Variants in FRMD5 observed in about 807,000 individuals in gnomAD.
FRMD5 encodes the protein FERM domain-containing protein 5.
In FRMD5, 20 loss-of-function variants were observed where a neutral mutation model predicts 69.0. That is an observed-to-expected ratio of 0.29 (90% CI 0.20 to 0.42). The LOEUF is 0.42. FRMD5 is among the 10% of genes least tolerant of loss of function. FRMD5 has a pLI of 1.00. For synonymous variants in FRMD5, 271 were observed against 260.1 expected, an observed-to-expected ratio of 1.04 and a Z score of -0.40; for missense variants, 595 against 708.6, an observed-to-expected ratio of 0.84 and a Z score of 1.82.
chr15:44,025,206 T>C (rs1043878167), intron 1 of FRMD5, among the ~76,000 whole-genome samples: 24 of 152,014 alleles, frequency 1.6e-4, no homozygotes, highest in African/African-American at 5.8e-4. Context: ...TACAAATAAC[T>C]ATAATATAGA....
intron 1 of FRMD5, among the ~76,000 whole-genome samples, chr15:44,079,201 A>C (rs1438474899): frequency 6.6e-6 from 1 of 152,166 alleles, no homozygotes; most frequent in Non-Finnish European, 1.5e-5. Flanking sequence ...AATGCAAATC[A>C]AAATTACAGT....
At chr15:43,968,100 T>C (rs1265352742) in intron 1 of FRMD5, among the ~76,000 whole-genome samples, 2 of 152,002 alleles carry the variant, frequency 1.3e-5, no homozygotes, top group South Asian at 2.1e-4. Flanking sequence ...AGTTTTTTCA[T>C]GGAATATTTT....
intron 7 of FRMD5, among the ~76,000 whole-genome samples, chr15:43,897,920 A>G (rs575527827): frequency 6.6e-6 from 1 of 151,472 alleles, no homozygotes; most frequent in East Asian, 1.9e-4. Context: ...CTCCCCCCTC[A>G]TTCTCTCTTT....
At chr15:43,960,150 A>C (rs2090174368) in intron 1 of FRMD5, among the ~76,000 whole-genome samples, 1 of 151,868 alleles carries the variant, frequency 6.6e-6, no homozygotes, top group African/African-American at 2.4e-5. Context: ...GTGCAGTGGC[A>C]CAATCTCGGC....
chr15:43,879,030 C>T (rs760618610), intron 13 of FRMD5, among the ~76,000 whole-genome samples: 2 of 151,016 alleles, frequency 1.3e-5, no homozygotes, highest in Admixed American at 1.3e-4. Flanking sequence ...CTCCGACCCC[C>T]GGGTTCAAGT....
At chr15:44,017,382 G>A (rs1370787469) in intron 1 of FRMD5, among the ~76,000 whole-genome samples, 11 of 151,420 alleles carry the variant, frequency 7.3e-5, no homozygotes, top group Admixed American at 6.6e-4. Flanking sequence ...CCCGACCTCT[G>A]ATAGAATTTT....
In FRMD5 at chr15:43,924,147, A is replaced by G. The variant is rs930155839; in HGVS notation, c.207+58T>C. 2.9e-5 allele frequency: 37 copies of G among 1,283,106 alleles called. No homozygotes were observed. In the Middle Eastern group the frequency reaches 7.4e-4, roughly 26 times the overall value. 79.5% of individuals were successfully genotyped at this position (1,283,106 alleles called of 1,614,324 possible). ...GACTTTGAATATGAATGACAGTTCA[A>G]GACCTCAGTCTTATTGACTAGCCCT... is the stretch of plus-strand genomic sequence containing the variant. On this transcript the variant is annotated intron_variant, in intron 2 of 13. Coordinates refer to ENST00000417257, the MANE Select transcript of FRMD5 (RefSeq NM_032892.5).
chr15:44,126,728 G>C (rs1311412073), intron 1 of FRMD5, among the ~76,000 whole-genome samples: 1 of 152,086 alleles, frequency 6.6e-6, no homozygotes, highest in Non-Finnish European at 1.5e-5. Flanking sequence ...CCAGCCCATT[G>C]TTCCACCCTT....
Position 43,933,824 on chromosome 15 carries a change from C to G in FRMD5, c.103-9515G>C, listed in dbSNP as rs183589568. Among the ~76,000 whole-genome samples, 300 of 152,302 alleles carry G rather than the reference C, an allele frequency of 2.0e-3. 3 individuals carry two copies. Among genetic ancestry groups the G allele is most frequent in the African/African-American group, 7.0e-3 (292 of 41,558 alleles). On this transcript the variant is annotated intron_variant, in intron 1 of 13. Coordinates refer to ENST00000417257, the MANE Select transcript of FRMD5 (RefSeq NM_032892.5). ...ATTTATTTTCAATGGCTAACTAGCT[C>G]AAAACTCACTGCACTTTTGCTATGA... is the stretch of plus-strand genomic sequence containing the variant.
intron 1 of FRMD5, among the ~76,000 whole-genome samples, chr15:44,116,485 G>C (rs1182675839): frequency 6.6e-6 from 1 of 152,146 alleles, no homozygotes; most frequent in Non-Finnish European, 1.5e-5. Context: ...GGCTACAACA[G>C]CCAGAGAAAG....
Position 43,883,822 on chromosome 15 carries a change from A to G in FRMD5, c.1029-13T>C, listed in dbSNP as rs749745271. The G allele has an allele frequency of 1.1e-5, 17 of 1,601,124 alleles. No individual in the cohort carries two copies. In the Admixed American group the frequency reaches 1.3e-4, roughly 13 times the overall value. Reference sequence around the variant, plus strand: ...AACCATCCCTGCTCTGAGGTTAAAGAAAAAGAACCTTGTTAATTCAGTGCA... The same window carrying G: ...AACCATCCCTGCTCTGAGGTTAAAGGAAAAGAACCTTGTTAATTCAGTGCA... On this transcript the variant is annotated splice_polypyrimidine_tract_variant and intron_variant, in intron 12 of 13. Transcript: ENST00000417257.
intron 1 of FRMD5, among the ~76,000 whole-genome samples, chr15:44,019,173 T>C (rs909805460): frequency 3.3e-5 from 5 of 152,164 alleles, no homozygotes; most frequent in Non-Finnish European, 5.9e-5. Flanking sequence ...GGATTACAGA[T>C]GTGAGCCATC....
At chr15:43,970,546 T>G (rs370580879) in intron 1 of FRMD5, among the ~76,000 whole-genome samples, 9 of 152,206 alleles carry the variant, frequency 5.9e-5, no homozygotes, top group Non-Finnish European at 1.3e-4. Context: ...CTTGGCTCAC[T>G]GCAACCTCCA....
intron 1 of FRMD5, among the ~76,000 whole-genome samples, chr15:43,966,330 T>C (rs1255407277): frequency 6.6e-6 from 1 of 152,060 alleles, no homozygotes; most frequent in African/African-American, 2.4e-5. Flanking sequence ...GGAGATCTCA[T>C]GCCGTTGCAG....
At chr15:43,921,285 C>G (rs1032720771) in intron 2 of FRMD5, among the ~76,000 whole-genome samples, 1 of 152,178 alleles carries the variant, frequency 6.6e-6, no homozygotes, top group African/African-American at 2.4e-5. Context: ...GTACACAGAA[C>G]AGCAACACCC....
chr15:44,166,034 T>C (rs1311512466), intron 1 of FRMD5, among the ~76,000 whole-genome samples: 9 of 152,224 alleles, frequency 5.9e-5, no homozygotes, highest in Non-Finnish European at 1.3e-4. Context: ...TCCTAGGAGT[T>C]AACTTGCAAA....
chr15:44,090,443 CTT>C (rs34584410), intron 1 of FRMD5, among the ~76,000 whole-genome samples: 7 of 143,402 alleles, frequency 4.9e-5, no homozygotes, highest in African/African-American at 5.1e-5. Flanking sequence ...TGAATAACTA[CTT>C]TTTTTTTTTT....
Position 43,873,471 on chromosome 15 carries a change from A to C in FRMD5, c.*414T>G. 1 of 1,424,804 alleles carries C rather than the reference A, an allele frequency of 7.0e-7. No individual in the cohort carries two copies. Among genetic ancestry groups the C allele is most frequent in the Non-Finnish European group, 9.1e-7 (1 of 1,100,694 alleles). The allele number at this position is 1,424,804 out of a possible 1,614,324, so 88.3% of individuals were successfully genotyped here. The stretch of plus-strand genomic sequence containing the variant: ...AAAGCTCCTGCAGAATACAGAGGAC[A>C]GCAGCTCTCTAGTTTTCAACTAGTG... On this transcript the variant is annotated 3_prime_UTR_variant, in exon 14 of 14. Coordinates refer to ENST00000417257, the MANE Select transcript of FRMD5 (RefSeq NM_032892.5).
At chr15:43,886,051 C>T (rs1056605047) in intron 10 of FRMD5, among the ~76,000 whole-genome samples, 4 of 152,276 alleles carry the variant, frequency 2.6e-5, no homozygotes, top group African/African-American at 7.2e-5. Context: ...AATACATGCT[C>T]GGGTGGATGG....
Sources: allele counts gnomAD v4.1 joint callset (sites outside exome capture counted in the v4.1 genomes callset), GRCh38; gene constraint gnomAD v4.1.1; transcripts MANE v1.5; gene names NCBI Gene and HGNC (gene_info 2026-07-23, HGNC 2026-07-21).